The following FAM241B variants were observed in gnomAD, a reference collection of about 807,000 sequenced individuals.
FAM241B encodes the protein protein FAM241B.
Under a neutral mutation model 9.3 loss-of-function variants are expected in FAM241B, and 7 were observed. The observed-to-expected ratio is 0.75, with a 90% CI of 0.43 to 1.41. The LOEUF is 1.41. Ranked by LOEUF, FAM241B falls within the 40% of genes most tolerant of loss-of-function variation. FAM241B has a pLI of 0.01. For synonymous variants in FAM241B, 60 were observed against 64.1 expected (o/e 0.94, Z 0.31); for missense variants, 136 against 159.6 (o/e 0.85, Z 0.80).
chr10:69,633,048 A>C lies in FAM241B; in HGVS notation c.355A>C (p.Ser119Arg). Residue 119 changes from serine to arginine, a missense_variant, in exon 4 of 4, where the codon AGT becomes CGT. Ser to Arg is a moderately radical substitution (Grantham distance 110). Transcript: ENST00000373279. ...CCTTGTCTACCTGGTGTCCCACCTG[A>C]GTCAGCGGTGACCTCTGAGGGCTGA... ...VGLVYLVSHL[S>R]QR 6.2e-7 allele frequency: 1 copy of C among 1,614,044 alleles called. No individual in the cohort carries two copies. The highest frequency in any genetic ancestry group is 2.2e-5 in the East Asian group (1 of 44,868).
rs781325079 is a variant in FAM241B, at chr10:69,631,779, G to A, written c.36G>A (p.Gln12=). The change falls in exon 3 of 4, where the codon CAG becomes CAA. Residue 12 remains glutamine, a synonymous_variant. Coordinates refer to ENST00000373279, the MANE Select transcript of FAM241B (RefSeq NM_145306.3). ...VRILANGEIV[Q]DDDPRVRTTT... ...TCTTGGCCAATGGGGAAATCGTGCA[G>A]GATGACGACCCCCGAGTGAGGACCA... 21 of 1,613,212 alleles carry A rather than the reference G, an allele frequency of 1.3e-5. No individual in the cohort carries two copies. The highest frequency in any genetic ancestry group is 1.7e-5 in the Admixed American group (1 of 59,948).
chr10:69,630,685 C>T, intron 1 of FAM241B: 1 of 1,294,802 alleles, frequency 7.7e-7, no homozygotes, highest in Non-Finnish European at 1.0e-6. Context: ...GGCTCATCTC[C>T]TGAGAATGAA....
intron 1 of FAM241B, chr10:69,630,514 C>A: frequency 1.5e-6 from 1 of 673,824 alleles, no homozygotes; most frequent in Non-Finnish European, 2.0e-6. Context: ...CACAAAGGGA[C>A]TGCGCGCGAC....
At chr10:69,632,647 T>C (rs1487767016) in intron 3 of FAM241B, 143 bp from the exon 4 acceptor site, 2 of 883,202 alleles carry the variant, frequency 2.3e-6, no homozygotes, top group African/African-American at 3.3e-5. Context: ...GGGATTCTTA[T>C]GGGTGGCATG....
At chr10:69,631,656 C>T in intron 2 of FAM241B, 53 bp from the exon 3 acceptor site, 1 of 1,562,962 alleles carries the variant, frequency 6.4e-7, no homozygotes, top group Non-Finnish European at 8.7e-7. Context: ...GTGGGGAGAA[C>T]TTCTGTGCCA....
rs376251184 is a variant in FAM241B, at chr10:69,633,486, C to T, written c.*427C>T. The T allele has an allele frequency of 4.2e-4, 77 of 185,374 alleles. 1 individual carries two copies. The East Asian group carries it at 9.0e-3, about 22-fold the overall frequency. The allele number at this position is 185,374 out of a possible 1,614,324, so 11.5% of individuals were successfully genotyped here. ...TGGAAAAAATTCCAGACTTTTTTAGCACTGTTTTTGTTTTAATGGTATATT... is the reference window on the plus strand; with the variant it reads ...TGGAAAAAATTCCAGACTTTTTTAGTACTGTTTTTGTTTTAATGGTATATT... On this transcript the variant is annotated 3_prime_UTR_variant, in exon 4 of 4. Transcript: ENST00000373279.
chr10:69,633,118 G>C lies in FAM241B; in HGVS notation c.*59G>C. ...AGGGACTTGCTGGGCCTTGGTGTGA[G>C]AGCAGGCATATTTGGAGGGGATCTG... On this transcript the variant is annotated 3_prime_UTR_variant, in exon 4 of 4. Coordinates refer to ENST00000373279, the MANE Select transcript of FAM241B (RefSeq NM_145306.3). 1 of 1,593,878 alleles carries C rather than the reference G, an allele frequency of 6.3e-7. No homozygotes were observed. The highest frequency in any genetic ancestry group is 1.7e-5 in the Admixed American group (1 of 59,524).
intron 1 of FAM241B, 51 bp from the exon 2 acceptor site, chr10:69,631,429 T>G: frequency 1.4e-6 from 2 of 1,388,616 alleles, no homozygotes; most frequent in Admixed American, 2.2e-5. Context: ...GTCTGAAATC[T>G]TTTTGCCTGG....
chr10:69,630,253 G>C lies in FAM241B; in HGVS notation c.-164G>C, dbSNP rs1839792421. ...GCGCGCTTCCTGTGAGGTCAGGTGG[G>C]AGGAAACCGCCTGGAGCCGCCGGGA... is the stretch of plus-strand genomic sequence containing the variant. On this transcript the variant is annotated 5_prime_UTR_variant, in exon 1 of 4. Transcript: ENST00000373279. 1 of 152,598 alleles carries C rather than the reference G, an allele frequency of 6.6e-6. No individual in the cohort carries two copies. The highest frequency in any genetic ancestry group is 1.9e-4 in the East Asian group (1 of 5,184). The allele number at this position is 152,598 out of a possible 1,614,324, so 9.5% of individuals were successfully genotyped here. A position where few individuals can be genotyped will look rare whatever the true frequency, so the allele number is the denominator to read the frequency against.
intron 2 of FAM241B, 60 bp downstream of exon 2, chr10:69,631,607 G>A (rs1839821622): frequency 2.6e-6 from 4 of 1,548,106 alleles, no homozygotes; most frequent in Non-Finnish European, 2.6e-6. Flanking sequence ...AGATCTTCAC[G>A]AGTCTGGTCC....
At chr10:69,631,638 G>A in intron 2 of FAM241B, 71 bp from the exon 3 acceptor site, 2 of 1,554,832 alleles carry the variant, frequency 1.3e-6, no homozygotes, top group South Asian at 2.4e-5. Context: ...ACAGCTAAAG[G>A]TTTTGTGGTG....
chr10:69,630,494 GAT>G, intron 1 of FAM241B, 181 bp downstream of exon 1: 1 of 403,202 alleles, frequency 2.5e-6, no homozygotes, highest in African/African-American at 2.2e-5. Context: ...GCGGGGGCGC[GAT>G]GACAAAGCAC....
chr10:69,633,156 AG>A lies in FAM241B; in HGVS notation c.*99del. 1 of 1,507,760 alleles carries A rather than the reference AG, an allele frequency of 6.6e-7. No individual in the cohort carries two copies. Among genetic ancestry groups the A allele is most frequent in the Non-Finnish European group, 9.0e-7 (1 of 1,109,764 alleles). 93.4% of individuals were successfully genotyped at this position (1,507,760 alleles called of 1,614,324 possible). ...TGGAGGGGATCTGGTGGTGCCTTGA[AG>A]GTATGATCAGAGAGGGGACCACAGG... On this transcript the variant is annotated 3_prime_UTR_variant, in exon 4 of 4. Coordinates refer to ENST00000373279, the MANE Select transcript of FAM241B (RefSeq NM_145306.3).
At chr10:69,630,779 G>A in intron 1 of FAM241B, 4 of 773,642 alleles carry the variant, frequency 5.2e-6, no homozygotes, top group Non-Finnish European at 7.0e-6. Flanking sequence ...GAGGGCCACC[G>A]CAGCAACCCC....
At position 69,633,138 on chromosome 10, in the gene FAM241B, G is replaced by A. The variant is rs1419736638; in HGVS notation, c.*79G>A. On this transcript the variant is annotated 3_prime_UTR_variant, in exon 4 of 4. Transcript: ENST00000373279. ...TGTGAGAGCAGGCATATTTGGAGGG[G>A]ATCTGGTGGTGCCTTGAAGGTATGA... 1.3e-6 allele frequency: 2 copies of A among 1,560,134 alleles called. No homozygotes were observed. Among genetic ancestry groups the A allele is most frequent in the African/African-American group, 1.4e-5 (1 of 74,042 alleles).
Position 69,633,127 on chromosome 10 carries a change from T to C in FAM241B, c.*68T>C. The C allele has an allele frequency of 6.3e-7, 1 of 1,578,620 alleles. No individual in the cohort carries two copies. The highest frequency in any genetic ancestry group is 8.6e-7 in the Non-Finnish European group (1 of 1,159,530). ...CTGGGCCTTGGTGTGAGAGCAGGCA[T>C]ATTTGGAGGGGATCTGGTGGTGCCT... On this transcript the variant is annotated 3_prime_UTR_variant, in exon 4 of 4. Transcript: ENST00000373279.
At chr10:69,631,983 T>A in intron 3 of FAM241B, 144 bp downstream of exon 3, 1 of 620,908 alleles carries the variant, frequency 1.6e-6, no homozygotes, top group South Asian at 2.1e-5. Context: ...TGCAGTGGCT[T>A]ATTGTCTACC....
In FAM241B at chr10:69,632,819, C is replaced by T; in HGVS notation, c.126C>T (p.Pro42=). 3 of 1,613,860 alleles carry T rather than the reference C, an allele frequency of 1.9e-6. No individual in the cohort carries two copies. The highest frequency in any genetic ancestry group is 2.5e-6 in the Non-Finnish European group (3 of 1,179,886). ...QSFFNRGHGA[P]PGGPGPRQQQ... is the part of the protein sequence containing the mutation. ...TCTTCAACAGGGGCCATGGTGCTCC[C>T]CCAGGGGGTCCTGGCCCCCGCCAGC... is the stretch of plus-strand genomic sequence containing the variant. Residue 42 remains proline, a synonymous_variant, in exon 4 of 4, where the codon CCC becomes CCT. Coordinates refer to ENST00000373279, the MANE Select transcript of FAM241B (RefSeq NM_145306.3).
intron 3 of FAM241B, 99 bp from the exon 4 acceptor site, chr10:69,632,691 G>A (rs1839850129): frequency 7.3e-7 from 1 of 1,367,742 alleles, no homozygotes; most frequent in Non-Finnish European, 1.0e-6. Context: ...GTGACCCTGG[G>A]TGGCTGTAGG....
Sources: allele counts gnomAD v4.1 joint callset, GRCh38; gene constraint gnomAD v4.1.1; transcripts MANE v1.5; gene names NCBI Gene and HGNC (gene_info 2026-07-23, HGNC 2026-07-21).